ARHGAP15: variants seen among roughly 807,000 people sequenced by gnomAD.
The protein encoded by ARHGAP15 is rho GTPase-activating protein 15.
Under a neutral mutation model 63.7 loss-of-function variants are expected in ARHGAP15, and 51 were observed. The ratio of observed to expected loss-of-function variants is 0.80; its 90% confidence interval spans 0.64 to 1.01. ARHGAP15 has a LOEUF of 1.01. Ranked by LOEUF, ARHGAP15 falls within the 50% of genes least tolerant of loss-of-function variation. The probability of loss-of-function intolerance (pLI) is 0.00; values close to 1 mark genes in which losing one functional copy is unlikely to be tolerated. For missense variants in ARHGAP15, 560 were observed against 564.6 expected, an observed-to-expected ratio of 0.99 and a Z score of 0.08; for synonymous variants, 191 against 193.8, an observed-to-expected ratio of 0.99 and a Z score of 0.12.
chr2:143,158,645 G>A (rs972519575), intron 2 of ARHGAP15, among the ~76,000 whole-genome samples: 3 of 151,912 alleles, frequency 2.0e-5, no homozygotes, highest in Admixed American at 6.6e-5. Flanking sequence ...CAAGAAAATC[G>A]CCCATCTGTA....
At chr2:143,493,077 C>G (rs1692658640) in intron 9 of ARHGAP15, among the ~76,000 whole-genome samples, 3 of 151,332 alleles carry the variant, frequency 2.0e-5, no homozygotes. Context: ...CAAAAAAAAC[C>G]ATCAATTAAT....
At chr2:143,590,239 G>T (rs1408158843) in intron 11 of ARHGAP15, among the ~76,000 whole-genome samples, 1 of 152,022 alleles carries the variant, frequency 6.6e-6, no homozygotes, top group Non-Finnish European at 1.5e-5. Context: ...ATGCTAACAG[G>T]CAAAATTTCT....
intron 13 of ARHGAP15, among the ~76,000 whole-genome samples, chr2:143,757,590 G>T (rs899393118): frequency 1.3e-5 from 2 of 151,958 alleles, no homozygotes; most frequent in African/African-American, 4.8e-5. Context: ...AGGGTGTGTG[G>T]CTGACTGCAG....
chr2:143,325,184 CT>C (rs1195514074), intron 6 of ARHGAP15, among the ~76,000 whole-genome samples: 1 of 152,132 alleles, frequency 6.6e-6, no homozygotes, highest in African/African-American at 2.4e-5. Context: ...CTGTATTTCC[CT>C]AGCTGTGTAT....
chr2:143,276,280 C>T (rs954859127), intron 6 of ARHGAP15, among the ~76,000 whole-genome samples: 3 of 152,190 alleles, frequency 2.0e-5, no homozygotes, highest in Admixed American at 6.5e-5. Flanking sequence ...AGATCTTTCA[C>T]GTGTATCATT....
chr2:143,616,112 G>A (rs1057252272), intron 11 of ARHGAP15, among the ~76,000 whole-genome samples: 4 of 152,024 alleles, frequency 2.6e-5, no homozygotes, highest in African/African-American at 4.8e-5. Flanking sequence ...CTACCTAAAC[G>A]AAATATCTAA....
At chr2:143,645,476 C>G (rs1161200883) in intron 12 of ARHGAP15, among the ~76,000 whole-genome samples, 1 of 152,024 alleles carries the variant, frequency 6.6e-6, no homozygotes, top group Non-Finnish European at 1.5e-5. Context: ...GTACAAGTTG[C>G]CCCTTATTGA....
At chr2:143,148,131 T>C (rs1326827824) in intron 1 of ARHGAP15, among the ~76,000 whole-genome samples, 1 of 152,032 alleles carries the variant, frequency 6.6e-6, no homozygotes, top group African/African-American at 2.4e-5. Flanking sequence ...GGATGTTCAC[T>C]CCCCTTTCCT....
intron 12 of ARHGAP15, among the ~76,000 whole-genome samples, chr2:143,663,708 A>G (rs1681972153): frequency 2.0e-5 from 3 of 151,600 alleles, no homozygotes; most frequent in Admixed American, 1.3e-4. Flanking sequence ...TCAAAATAAA[A>G]GGATGGAGGA....
At chr2:143,712,723 G>C (rs10165124) in intron 13 of ARHGAP15, among the ~76,000 whole-genome samples, 4,828 of 151,280 alleles carry the variant, frequency 0.032, 254 homozygotes, top group African/African-American at 0.11. Flanking sequence ...GGAACACCTA[G>C]AATAACCTCA....
At chr2:143,626,185 A>T (rs764435473) in intron 12 of ARHGAP15, among the ~76,000 whole-genome samples, 1 of 152,212 alleles carries the variant, frequency 6.6e-6, no homozygotes, top group Admixed American at 6.5e-5. Flanking sequence ...GCCAACACCT[A>T]TAAAATGGGT....
At chr2:143,494,022 T>A (rs967080918) in intron 9 of ARHGAP15, among the ~76,000 whole-genome samples, 2 of 152,308 alleles carry the variant, frequency 1.3e-5, no homozygotes, top group African/African-American at 4.8e-5. Context: ...GGTCTTTATT[T>A]TGAGATTCTG....
At chr2:143,536,782 AT>A (rs1694789393) in intron 10 of ARHGAP15, among the ~76,000 whole-genome samples, 1 of 151,764 alleles carries the variant, frequency 6.6e-6, no homozygotes, top group African/African-American at 2.4e-5. Context: ...ATTGTTGGAC[AT>A]TTGGGTTGGT....
rs373987377 is a variant in ARHGAP15, at chr2:143,546,542, T to A, written c.926-9866T>A. On this transcript the variant is annotated intron_variant, in intron 10 of 13. Transcript: ENST00000295095. ...CTTAGGAATAGCATCTCCAGGAATC[T>A]GGTTTTCTTTCTTTAAACCTGCTGT... is the stretch of plus-strand genomic sequence containing the variant. 3.3e-5 allele frequency among the ~76,000 whole-genome samples: 5 copies of A among 152,142 alleles called. No individual in the cohort carries two copies. In the East Asian group the frequency reaches 9.6e-4, roughly 29 times the overall value.
intron 6 of ARHGAP15, among the ~76,000 whole-genome samples, chr2:143,333,022 T>C (rs1684616238): frequency 6.6e-6 from 1 of 150,378 alleles, no homozygotes. Flanking sequence ...AGATGCAAGT[T>C]GGCATCGTCA....
chr2:143,416,234 T>C (rs534380659), intron 6 of ARHGAP15, among the ~76,000 whole-genome samples: 2 of 151,398 alleles, frequency 1.3e-5, no homozygotes, highest in Non-Finnish European at 2.9e-5. Context: ...ACATGTACCC[T>C]GGAACTTAAA....
intron 11 of ARHGAP15, among the ~76,000 whole-genome samples, chr2:143,565,012 C>A (rs1696166216): frequency 1.3e-5 from 2 of 152,114 alleles, no homozygotes; most frequent in African/African-American, 2.4e-5. Context: ...GAATCTCTGA[C>A]CCTCATAAAA....
chr2:143,470,348 A>G (rs1019687509), intron 8 of ARHGAP15, among the ~76,000 whole-genome samples: 2 of 151,026 alleles, frequency 1.3e-5, no homozygotes, highest in Non-Finnish European at 2.9e-5. Flanking sequence ...CCTGTTGTGT[A>G]TATAAACTCA....
chr2:143,667,582 T>TAAAAAAA (rs71338146), intron 12 of ARHGAP15, among the ~76,000 whole-genome samples: 19 of 138,924 alleles, frequency 1.4e-4, no homozygotes, highest in African/African-American at 2.3e-4. Context: ...TAAAAAAAAT[T>TAAAAAAA]AAAAAAAAAA....
Sources: gnomAD v4.1 joint callset for allele counts (sites outside exome capture counted in the v4.1 genomes callset) on GRCh38, gnomAD v4.1.1 for gene constraint, MANE v1.5 for transcripts, NCBI Gene and HGNC (gene_info 2026-07-23, HGNC 2026-07-21) for gene names.